PDZD8: variants seen among roughly 807,000 people sequenced by gnomAD.
PDZD8 encodes PDZ domain-containing protein 8.
In PDZD8, 14 loss-of-function variants were observed where a neutral mutation model predicts 85.8. The ratio of observed to expected loss-of-function variants is 0.16; its 90% confidence interval spans 0.11 to 0.26. The LOEUF (loss-of-function observed/expected upper bound fraction) is 0.26. Among genes scored for constraint, PDZD8 ranks in the 10% least tolerant of loss-of-function variants. PDZD8 has a pLI of 1.00. For missense variants in PDZD8, 1,197 were observed against 1,424.3 expected (o/e 0.84, Z 2.57); for synonymous variants, 592 against 568.6 (o/e 1.04, Z -0.59).
chr10:117,294,448 G>C (rs968154283), intron 3 of PDZD8, among the ~76,000 whole-genome samples: 1 of 152,078 alleles, frequency 6.6e-6, no homozygotes, highest in African/African-American at 2.4e-5. Flanking sequence ...CAGTACAGTG[G>C]TTCCTCAAAA....
At chr10:117,290,906 G>GT (rs1844749001) in intron 3 of PDZD8, among the ~76,000 whole-genome samples, 1 of 129,972 alleles carries the variant, frequency 7.7e-6, no homozygotes. Context: ...GTCTCACTCT[G>GT]TCACCTAGGC....
rs1020870256 is a variant in PDZD8 at position 117,375,394 on chromosome 10, G to A, written c.-167C>T. Reference sequence around the variant, plus strand: ...CGGGCCGGCGCGCTGCGGCGCCCGAGCCCGCAGCGGCCCGCGCCTCCTCAG... The same window carrying A: ...CGGGCCGGCGCGCTGCGGCGCCCGAACCCGCAGCGGCCCGCGCCTCCTCAG... On this transcript the variant is annotated 5_prime_UTR_variant, in exon 1 of 5. Coordinates refer to ENST00000334464, the MANE Select transcript of PDZD8 (RefSeq NM_173791.5). The A allele has an allele frequency of 2.4e-4, 83 of 341,424 alleles. 1 individual carries two copies. 21.1% of individuals were successfully genotyped at this position (341,424 alleles called of 1,614,324 possible).
At chr10:117,345,577 C>G (rs1589581639) in intron 1 of PDZD8, among the ~76,000 whole-genome samples, 1 of 152,006 alleles carries the variant, frequency 6.6e-6, no homozygotes, top group East Asian at 1.9e-4. Flanking sequence ...TAAGGGGAGA[C>G]CAGTATCTAA....
chr10:117,340,881 A>C (rs1844599995), intron 2 of PDZD8, 99 bp downstream of exon 2: 1 of 1,302,206 alleles, frequency 7.7e-7, no homozygotes, highest in Non-Finnish European at 1.0e-6. Context: ...ACAGGTAAAT[A>C]ATATAATTTA....
chr10:117,319,817 A>G (rs1288176329), intron 2 of PDZD8, among the ~76,000 whole-genome samples: 1 of 152,106 alleles, frequency 6.6e-6, no homozygotes, highest in African/African-American at 2.4e-5. Context: ...AAATCTGCCA[A>G]CTTGTTTCAG....
intron 2 of PDZD8, among the ~76,000 whole-genome samples, chr10:117,324,755 T>C (rs1392023455): frequency 2.0e-5 from 3 of 152,186 alleles, no homozygotes; most frequent in African/African-American, 4.8e-5. Flanking sequence ...AGAATAATTT[T>C]TTATGACTTT....
chr10:117,356,323 T>G (rs554006537), intron 1 of PDZD8, among the ~76,000 whole-genome samples: 38 of 151,986 alleles, frequency 2.5e-4, no homozygotes, highest in African/African-American at 8.9e-4. Flanking sequence ...ATAAGAAAAA[T>G]TTAAAAAGGT....
At chr10:117,340,655 T>C (rs1394323331) in intron 2 of PDZD8, among the ~76,000 whole-genome samples, 2 of 152,196 alleles carry the variant, frequency 1.3e-5, no homozygotes, top group Non-Finnish European at 2.9e-5. Flanking sequence ...TTAATAAGTA[T>C]CATTGAGTAA....
In PDZD8 at chr10:117,284,389, C is replaced by T. The variant is rs1233247405; in HGVS notation, c.2344G>A (p.Asp782Asn). Residue 782 changes from aspartate to asparagine, a missense_variant, in exon 5 of 5, where the codon GAC becomes AAC. Asp to Asn is a conservative substitution (Grantham distance 23, BLOSUM62 1). Transcript: ENST00000334464. Reference sequence around the variant, plus strand: ...GTAATGTCACCATAGCAAAATTTGTCATTGAATCCCTTTTGCATACTCAGA... The same window carrying T: ...GTAATGTCACCATAGCAAAATTTGTTATTGAATCCCTTTTGCATACTCAGA... ...RNLSMQKGFN[D>N]KFCYGDITIH... is the part of the protein sequence containing the mutation. 6.2e-7 allele frequency: 1 copy of T among 1,614,030 alleles called. No homozygotes were observed. The highest frequency in any genetic ancestry group is 8.5e-7 in the Non-Finnish European group (1 of 1,180,026).
intron 1 of PDZD8, among the ~76,000 whole-genome samples, chr10:117,345,560 C>T (rs771968119): frequency 2.0e-5 from 3 of 152,058 alleles, no homozygotes; most frequent in Admixed American, 6.6e-5. Context: ...AAATATCAAG[C>T]TCTGGGTAAG....
At chr10:117,285,683 G>A in intron 4 of PDZD8, 1 of 1,199,174 alleles carries the variant, frequency 8.3e-7, no homozygotes, top group Non-Finnish European at 1.1e-6. Context: ...TGATATCCTG[G>A]AGATGTTTAC....
chr10:117,355,088 A>AT (rs948935490), intron 1 of PDZD8, among the ~76,000 whole-genome samples: 2 of 152,184 alleles, frequency 1.3e-5, no homozygotes, highest in African/African-American at 4.8e-5. Flanking sequence ...TAAATTTCAA[A>AT]TTTTCAATTT....
chr10:117,333,957 C>T (rs1018145520), intron 2 of PDZD8, among the ~76,000 whole-genome samples: 1 of 152,000 alleles, frequency 6.6e-6, no homozygotes. Context: ...TCCCCAAAAC[C>T]CCCCCATAAA....
chr10:117,328,996 G>A (rs1334539739), intron 2 of PDZD8, among the ~76,000 whole-genome samples: 5 of 152,246 alleles, frequency 3.3e-5, no homozygotes, highest in South Asian at 2.1e-4. Flanking sequence ...GAATATAGAC[G>A]ACATTTGCTT....
intron 3 of PDZD8, among the ~76,000 whole-genome samples, chr10:117,291,815 A>G (rs1192115673): frequency 6.6e-6 from 1 of 151,542 alleles, no homozygotes; most frequent in Admixed American, 6.6e-5. Context: ...TGAATTAACA[A>G]CAACATCATC....
Position 117,284,942 on chromosome 10 carries a change from C to G in PDZD8, c.1791G>C (p.Ala597=). 6.2e-7 allele frequency: 1 copy of G among 1,614,104 alleles called. No homozygotes were observed. Among genetic ancestry groups the G allele is most frequent in the Non-Finnish European group, 8.5e-7 (1 of 1,180,020 alleles). The part of the protein sequence containing the change: ...FKPPVPPRPQ[A]KVPLPSADAP... ...CATCGGCGGAAGGCAAAGGAACTTTCGCTTGTGGTCGTGGTGGCACAGGTG... is the reference window on the plus strand; with the variant it reads ...CATCGGCGGAAGGCAAAGGAACTTTGGCTTGTGGTCGTGGTGGCACAGGTG... The change falls in exon 5 of 5, where the codon GCG becomes GCC. Residue 597 remains alanine (A), a synonymous_variant. Transcript: ENST00000334464.
At position 117,284,464 on chromosome 10, in the gene PDZD8, G is replaced by A; in HGVS notation, c.2269C>T (p.Leu757=). The change falls in exon 5 of 5, where the codon CTG becomes TTG. Residue 757 remains leucine, a synonymous_variant. Transcript: ENST00000334464. ...SNTEYLSKLR[L]EAPSPKAIVT... The stretch of plus-strand genomic sequence containing the variant: ...ATAGCCTTAGGTGAGGGGGCTTCCA[G>A]TCTCAATTTGGAAAGGTATTCCGTG... 1 of 1,614,144 alleles carries A rather than the reference G, an allele frequency of 6.2e-7. No homozygotes were observed. The highest frequency in any genetic ancestry group is 8.5e-7 in the Non-Finnish European group (1 of 1,180,032).
intron 3 of PDZD8, among the ~76,000 whole-genome samples, chr10:117,301,894 C>T (rs564079394): frequency 6.6e-6 from 1 of 152,206 alleles, no homozygotes; most frequent in East Asian, 1.9e-4. Flanking sequence ...CCCCGGACAG[C>T]CCCCACAAAC....
At chr10:117,318,681 G>T (rs1010420515) in intron 3 of PDZD8, among the ~76,000 whole-genome samples, 191 bp downstream of exon 3, 4 of 152,134 alleles carry the variant, frequency 2.6e-5, no homozygotes, top group Non-Finnish European at 5.9e-5. Flanking sequence ...CAGGTAATAT[G>T]AATACTATTT....
Sources: allele counts gnomAD v4.1 joint callset (sites outside exome capture counted in the v4.1 genomes callset), GRCh38; gene constraint gnomAD v4.1.1; transcripts MANE v1.5; gene names NCBI Gene and HGNC (gene_info 2026-07-23, HGNC 2026-07-21).